The following PRMT8 variants were observed in gnomAD, a reference collection of about 807,000 sequenced individuals.
The protein encoded by PRMT8 is protein arginine methyltransferase 8.
In PRMT8, 7 loss-of-function variants were observed where a neutral mutation model predicts 47.1. The observed-to-expected ratio is 0.15, with a 90% confidence interval of 0.08 to 0.28. The LOEUF is 0.28. Among genes scored for constraint, PRMT8 ranks in the 10% least tolerant of loss-of-function variants. The pLI is 1.00. For missense variants in PRMT8, 237 were observed against 505.4 expected (o/e 0.47, Z 5.09); for synonymous variants, 188 against 186.5 (o/e 1.01, Z -0.07).
chr12:3,496,214 A>ATTTTTTT lies in PRMT8; in HGVS notation c.75+4534_75+4540dup, dbSNP rs1555085718. Among the ~76,000 whole-genome samples the ATTTTTTT allele has an allele frequency of 1.2e-3, 33 of 27,768 alleles. 2 individuals carry two copies. Among genetic ancestry groups the ATTTTTTT allele is most frequent in the South Asian group, 5.1e-3 (2 of 392 alleles). The allele number at this position is 27,768 out of a possible 152,430, so 18.2% of individuals were successfully genotyped here. A position where few individuals can be genotyped will look rare whatever the true frequency, so the allele number is the denominator to read the frequency against. ...TTTGGAAACTGATATATATATATAT[A>ATTTTTTT]TTTTTTTTTTTTTTTTTTTTTTTTT... On this transcript the variant is annotated intron_variant, in intron 1 of 9. Transcript: ENST00000382622.
chr12:3,426,125 A>G (rs1390449637), intron 1 of PRMT8, among the ~76,000 whole-genome samples: 1 of 152,202 alleles, frequency 6.6e-6, no homozygotes, highest in East Asian at 1.9e-4. Context: ...AAGAGCTACC[A>G]TGCAGCCCAT....
At chr12:3,413,885 T>C (rs1244425166) in intron 1 of PRMT8, among the ~76,000 whole-genome samples, 2 of 152,196 alleles carry the variant, frequency 1.3e-5, no homozygotes, top group Non-Finnish European at 2.9e-5. Context: ...AAGATGTGTA[T>C]AGGTTATATG....
Position 3,456,062 on chromosome 12 carries a change from G to A in PRMT8, c.48+74620G>A, listed in dbSNP as rs1297290696. ...TGAGGATAGTAAGTCACACCTCACA[G>A]GGAAACTGAGGCTGACGCAGGAAGA... On this transcript the variant is annotated intron_variant, in intron 1 of 9. Coordinates refer to the PRMT8 transcript ENST00000452611. The surrounding 1 kb of genome is among the most constrained non-coding windows in gnomAD (Gnocchi z 4.2). Among the ~76,000 whole-genome samples the A allele has an allele frequency of 6.6e-6, 1 of 152,222 alleles. No individual in the cohort carries two copies. Among genetic ancestry groups the A allele is most frequent in the Non-Finnish European group, 1.5e-5 (1 of 68,046 alleles).
intron 8 of PRMT8, among the ~76,000 whole-genome samples, chr12:3,585,331 T>C (rs1473585002): frequency 2.2e-5 from 3 of 137,378 alleles, no homozygotes; most frequent in Non-Finnish European, 4.6e-5. Flanking sequence ...CCAGAAGCCA[T>C]GAAGAAAATG....
rs1231810416 is a variant in PRMT8 at position 3,569,691 on chromosome 12, G to A, written c.712+127G>A. ...GCTGTCCCTGAAGAGGAGCTTATCT[G>A]GGACCCTTTCTGGAGTCTGCTCTCT... is the stretch of plus-strand genomic sequence containing the variant. On this transcript the variant is annotated intron_variant, in intron 6 of 9. Coordinates refer to ENST00000382622, the MANE Select transcript of PRMT8 (RefSeq NM_019854.5). This position sits in a 1 kb window ranked among gnomAD's most constrained non-coding sequence, Gnocchi z 8.2. 2 of 780,282 alleles carry A rather than the reference G, an allele frequency of 2.6e-6. No individual in the cohort carries two copies. The highest frequency in any genetic ancestry group is 4.5e-6 in the Non-Finnish European group (2 of 443,730). 48.3% of individuals were successfully genotyped at this position (780,282 alleles called of 1,614,324 possible). A position where few individuals can be genotyped will look rare whatever the true frequency, so the allele number is the denominator to read the frequency against.
chr12:3,393,467 G>C (rs1292703383), intron 1 of PRMT8, among the ~76,000 whole-genome samples: 1 of 151,700 alleles, frequency 6.6e-6, no homozygotes, highest in Non-Finnish European at 1.5e-5. Context: ...TTATTAAATA[G>C]GGAATCCTTT....
intron 1 of PRMT8, among the ~76,000 whole-genome samples, chr12:3,509,412 C>G (rs2137127679): frequency 6.6e-6 from 1 of 152,334 alleles, no homozygotes; most frequent in East Asian, 1.9e-4. Flanking sequence ...CCTATGTTAT[C>G]CTATAGTACC....
At chr12:3,398,605 T>A (rs535296493) in intron 1 of PRMT8, among the ~76,000 whole-genome samples, 1 of 152,320 alleles carries the variant, frequency 6.6e-6, no homozygotes, top group East Asian at 1.9e-4. Flanking sequence ...GGAGTGGTGA[T>A]GACTTCACTA....
rs1866106055 is a variant in PRMT8 at position 3,535,700 on chromosome 12, G to T, written c.76-4906G>T. Among the ~76,000 whole-genome samples the T allele has an allele frequency of 6.6e-6, 1 of 152,194 alleles. No individual in the cohort carries two copies. Among genetic ancestry groups the T allele is most frequent in the African/African-American group, 2.4e-5 (1 of 41,442 alleles). Reference sequence around the variant, plus strand: ...GGGCACAGGAACCCTGGAAGGGACTGGGGGCACTGGAATGTCCAGTGGGGA... The same window carrying T: ...GGGCACAGGAACCCTGGAAGGGACTTGGGGCACTGGAATGTCCAGTGGGGA... On this transcript the variant is annotated intron_variant, in intron 1 of 9. Coordinates refer to ENST00000382622, the MANE Select transcript of PRMT8 (RefSeq NM_019854.5). This position sits in a 1 kb window ranked among gnomAD's most constrained non-coding sequence, Gnocchi z 4.7.
intron 1 of PRMT8, among the ~76,000 whole-genome samples, chr12:3,498,975 G>T (rs904593457): frequency 6.6e-6 from 1 of 152,032 alleles, no homozygotes; most frequent in African/African-American, 2.4e-5. Context: ...GGTGGCCAAC[G>T]ATGCTCAGCC....
At chr12:3,437,911 C>T (rs963881483) in intron 1 of PRMT8, among the ~76,000 whole-genome samples, 1 of 152,160 alleles carries the variant, frequency 6.6e-6, no homozygotes, top group African/African-American at 2.4e-5. Flanking sequence ...GCCCAGTTAG[C>T]TCGAGCAGTA....
chr12:3,445,780 G>A (rs768154531), intron 1 of PRMT8, among the ~76,000 whole-genome samples: 3 of 152,198 alleles, frequency 2.0e-5, no homozygotes, highest in South Asian at 2.1e-4. Flanking sequence ...TGCATGTGTC[G>A]TATAATGTGT....
rs1488519623 is a variant in PRMT8, at chr12:3,453,044, C to G, written c.48+71602C>G. Reference sequence around the variant, plus strand: ...AGCCTAAGAGGGGAGGGAAGCTAAACCCTGGACTGGGATCACATGAAAGGA... The same window carrying G: ...AGCCTAAGAGGGGAGGGAAGCTAAAGCCTGGACTGGGATCACATGAAAGGA... On this transcript the variant is annotated intron_variant, in intron 1 of 9. Transcript: ENST00000452611. This position sits in a 1 kb window ranked among gnomAD's most constrained non-coding sequence, Gnocchi z 4.9. Among the ~76,000 whole-genome samples, 3 of 152,050 alleles carry G rather than the reference C, an allele frequency of 2.0e-5. No homozygotes were observed. The highest frequency in any genetic ancestry group is 2.9e-5 in the Non-Finnish European group (2 of 68,004).
At chr12:3,533,923 A>G (rs1323191503) in intron 1 of PRMT8, among the ~76,000 whole-genome samples, 5 of 152,252 alleles carry the variant, frequency 3.3e-5, no homozygotes, top group Admixed American at 6.5e-5. Context: ...CCCTTTGTGT[A>G]ATTATGCAGA....
chr12:3,455,305 C>T (rs1006184103), intron 1 of PRMT8, among the ~76,000 whole-genome samples: 1 of 152,162 alleles, frequency 6.6e-6, no homozygotes, highest in Non-Finnish European at 1.5e-5. Flanking sequence ...TTTTCGCACC[C>T]TTTGTGGCTG....
At chr12:3,586,992 C>T (rs1191041365) in intron 8 of PRMT8, among the ~76,000 whole-genome samples, 1 of 152,196 alleles carries the variant, frequency 6.6e-6, no homozygotes, top group Non-Finnish European at 1.5e-5. Flanking sequence ...AAACTTCTTT[C>T]CCAGTTCATG....
chr12:3,448,945 T>A (rs1479636420), intron 1 of PRMT8, among the ~76,000 whole-genome samples: 1 of 152,100 alleles, frequency 6.6e-6, no homozygotes, highest in South Asian at 2.1e-4. Context: ...TGTCCATGTG[T>A]TCTCATTGTT....
In PRMT8 at chr12:3,593,013, T is replaced by C. The variant is rs1024496643; in HGVS notation, c.1102-86T>C. ...CGCTGGTGCTACCCATCCCTGTGGTTCCAGGAGCAGGTGGTGCCAGAGAGT... is the reference window on the plus strand; with the variant it reads ...CGCTGGTGCTACCCATCCCTGTGGTCCCAGGAGCAGGTGGTGCCAGAGAGT... On this transcript the variant is annotated intron_variant, in intron 9 of 9. Transcript: ENST00000382622. This position sits in a 1 kb window ranked among gnomAD's most constrained non-coding sequence, Gnocchi z 4.8. 9.5e-7 allele frequency: 1 copy of C among 1,051,706 alleles called. No individual in the cohort carries two copies. The highest frequency in any genetic ancestry group is 1.5e-6 in the Non-Finnish European group (1 of 681,612). The allele number at this position is 1,051,706 out of a possible 1,614,324, so 65.1% of individuals were successfully genotyped here.
At chr12:3,541,225 C>T (rs546502752) in intron 2 of PRMT8, among the ~76,000 whole-genome samples, 121 of 152,292 alleles carry the variant, frequency 7.9e-4, no homozygotes, top group Admixed American at 1.9e-3. Context: ...TGAGCACCTC[C>T]GGGGGAAGAG....
Sources: gnomAD v4.1 joint callset for allele counts (sites outside exome capture counted in the v4.1 genomes callset) on GRCh38, gnomAD v4.1.1 for gene constraint, Gnocchi (gnomAD v3.1) non-coding constraint, MANE v1.5 for transcripts, NCBI Gene and HGNC (gene_info 2026-07-23, HGNC 2026-07-21) for gene names.